Variants in FILIP1L observed in about 807,000 individuals in gnomAD.
The protein encoded by FILIP1L is filamin A-interacting protein 1-like.
In FILIP1L, 55 loss-of-function variants were observed where a neutral mutation model predicts 96.6. That is an observed-to-expected ratio of 0.57 (90% CI 0.46 to 0.71). The LOEUF (loss-of-function observed/expected upper bound fraction) is 0.71. Ranked by LOEUF, FILIP1L falls within the 30% of genes least tolerant of loss-of-function variation. FILIP1L has a pLI of 0.00. For missense variants in FILIP1L, 1,304 were observed against 1,321.2 expected (o/e 0.99, Z 0.20); for synonymous variants, 467 against 473.9 (o/e 0.99, Z 0.19).
intron 1 of FILIP1L, among the ~76,000 whole-genome samples, chr3:100,093,190 G>C (rs1008776072): frequency 6.6e-6 from 1 of 152,054 alleles, no homozygotes; most frequent in South Asian, 2.1e-4. Context: ...GGGACCTCTG[G>C]CCTAACATAT....
chr3:99,849,567 T>G lies in FILIP1L; in HGVS notation c.2109A>C (p.Lys703Asn). 1 of 1,613,526 alleles carries G rather than the reference T, an allele frequency of 6.2e-7. No homozygotes were observed. The highest frequency in any genetic ancestry group is 8.5e-7 in the Non-Finnish European group (1 of 1,179,936). The change falls in exon 5 of 6, where the codon AAA (lysine) becomes AAC (asparagine). Residue 703 changes from lysine (K) to asparagine (N), a missense_variant. Lys to Asn is a moderately conservative substitution (Grantham distance 94). Coordinates refer to ENST00000477258, the MANE Select transcript of FILIP1L (RefSeq NM_001387850.1). ...ACTTAGCTTCTTCTTCTTGAAGCCT[T>G]TTGAAAAGCCATTGTTCATGGCTGG... ...TETSHEQWLF[K>N]RLQEEEAKSG...
intron 1 of FILIP1L, among the ~76,000 whole-genome samples, chr3:99,966,049 G>A (rs922556939): frequency 1.6e-4 from 25 of 152,190 alleles, no homozygotes; most frequent in African/African-American, 5.3e-4. Context: ...TCCCTGCTGA[G>A]GTTAATAGGG....
intron 1 of FILIP1L, among the ~76,000 whole-genome samples, chr3:99,947,199 A>G (rs1708038073): frequency 6.6e-6 from 1 of 152,006 alleles, no homozygotes; most frequent in South Asian, 2.1e-4. Flanking sequence ...AAGCAGGCAC[A>G]AAGAATTTTT....
At chr3:99,980,714 C>T (rs896484331) in intron 1 of FILIP1L, among the ~76,000 whole-genome samples, 2 of 152,162 alleles carry the variant, frequency 1.3e-5, no homozygotes, top group Non-Finnish European at 2.9e-5. Context: ...AGAGCTTGCA[C>T]CCTGCCTAGC....
At chr3:99,987,603 C>T (rs1032571099) in intron 1 of FILIP1L, among the ~76,000 whole-genome samples, 1 of 150,390 alleles carries the variant, frequency 6.6e-6, no homozygotes, top group African/African-American at 2.4e-5. Context: ...GGAGTTTGAA[C>T]CCTCTGGCCT....
intron 1 of FILIP1L, among the ~76,000 whole-genome samples, chr3:100,091,158 A>T (rs996645295): frequency 6.6e-6 from 1 of 151,322 alleles, no homozygotes; most frequent in Non-Finnish European, 1.5e-5. Flanking sequence ...GGTGGCGGGC[A>T]CCTGTAGTCC....
At chr3:99,992,643 T>C (rs983842578) in intron 1 of FILIP1L, among the ~76,000 whole-genome samples, 1 of 152,124 alleles carries the variant, frequency 6.6e-6, no homozygotes, top group African/African-American at 2.4e-5. Context: ...TTATTTCTTT[T>C]GGTATACACA....
chr3:99,866,134 A>G (rs1043249451), intron 4 of FILIP1L, among the ~76,000 whole-genome samples: 22 of 150,066 alleles, frequency 1.5e-4, no homozygotes, highest in African/African-American at 5.4e-4. Flanking sequence ...TCCAGAACTT[A>G]TTCTGAGCAA....
At chr3:99,895,269 A>G (rs1017032249) in intron 4 of FILIP1L, among the ~76,000 whole-genome samples, 1 of 152,070 alleles carries the variant, frequency 6.6e-6, no homozygotes, top group Non-Finnish European at 1.5e-5. Flanking sequence ...GCAGTCACCC[A>G]TGTTCACTGC....
chr3:99,872,955 CTGA>C (rs1705311205), intron 4 of FILIP1L, among the ~76,000 whole-genome samples: 1 of 151,174 alleles, frequency 6.6e-6, no homozygotes, highest in Admixed American at 6.6e-5. Flanking sequence ...TGTGCAAAGG[CTGA>C]TAAGTGTTGG....
intron 4 of FILIP1L, among the ~76,000 whole-genome samples, chr3:99,894,870 G>A (rs190342367): frequency 2.0e-4 from 31 of 152,272 alleles, no homozygotes; most frequent in African/African-American, 5.5e-4. Flanking sequence ...TCTTGCAAAC[G>A]TATAGAGTTC....
At chr3:99,933,281 G>C (rs752757333) in intron 1 of FILIP1L, among the ~76,000 whole-genome samples, 4 of 152,094 alleles carry the variant, frequency 2.6e-5, no homozygotes, top group African/African-American at 4.8e-5. Flanking sequence ...TTACAAATAC[G>C]GTATAGATGA....
intron 1 of FILIP1L, among the ~76,000 whole-genome samples, chr3:100,067,166 CGTT>C (rs2065680545): frequency 6.6e-6 from 1 of 150,866 alleles, no homozygotes; most frequent in African/African-American, 2.4e-5. Context: ...TTTTTGATCT[CGTT>C]TGTTTGTTTG....
chr3:99,991,682 C>T lies in FILIP1L; in HGVS notation c.-10-60652G>A, dbSNP rs143307151. 4.6e-3 allele frequency among the ~76,000 whole-genome samples: 704 copies of T among 152,056 alleles called. 2 individuals carry two copies. Among genetic ancestry groups the T allele is most frequent in the South Asian group, 6.9e-3 (33 of 4,816 alleles). On this transcript the variant is annotated intron_variant, in intron 1 of 5. Transcript: ENST00000477258. ...ATGTATATCCATTGTGTAGCTCCCA[C>T]TTATAGGTGAGAACATGCTGTATTT...
At chr3:99,843,403 G>A (rs1410830382) in intron 5 of FILIP1L, among the ~76,000 whole-genome samples, 1 of 152,118 alleles carries the variant, frequency 6.6e-6, no homozygotes, top group African/African-American at 2.4e-5. Context: ...AAAACTTGGA[G>A]AATAAACCTT....
At position 100,083,800 on chromosome 3, in the gene FILIP1L, TCTGGG is replaced by T. The variant is rs551782457; in HGVS notation, c.-11+30248_-11+30252del. 3.9e-3 allele frequency among the ~76,000 whole-genome samples: 593 copies of T among 152,234 alleles called. 1 individual carries two copies. The highest frequency in any genetic ancestry group is 7.1e-3 in the Non-Finnish European group (481 of 68,004). On this transcript the variant is annotated intron_variant, in intron 1 of 5. Transcript: ENST00000477258. ...ATGTTGCCCAGGCTGGTTTCAAACT[TCTGGG>T]CTCAAGCAGTCCTCCCACCTTGGCC...
chr3:99,864,827 G>A (rs1279974911), intron 4 of FILIP1L, among the ~76,000 whole-genome samples: 2 of 151,950 alleles, frequency 1.3e-5, no homozygotes, highest in East Asian at 3.9e-4. Context: ...AGTACCATCT[G>A]GCATACTATA....
chr3:99,834,483 A>G (rs1480693254), intron 5 of FILIP1L, among the ~76,000 whole-genome samples: 1 of 152,244 alleles, frequency 6.6e-6, no homozygotes, highest in Non-Finnish European at 1.5e-5. Context: ...ATTGAAATAA[A>G]GTTTTCAAAA....
Position 100,066,753 on chromosome 3 carries a change from G to A in FILIP1L, c.-11+47300C>T, listed in dbSNP as rs1472543862. 3.2e-5 allele frequency among the ~76,000 whole-genome samples: 3 copies of A among 94,616 alleles called. 1 individual carries two copies. The highest frequency in any genetic ancestry group is 7.4e-5 in the Non-Finnish European group (3 of 40,600). 62.1% of individuals were successfully genotyped at this position (94,616 alleles called of 152,430 possible). On this transcript the variant is annotated intron_variant, in intron 1 of 5. Transcript: ENST00000477258. Reference sequence around the variant, plus strand: ...TCACCATTTTAGCCGGGATGGTCTCGATCTCCTGACCTCGTGATCCGCCCG... The same window carrying A: ...TCACCATTTTAGCCGGGATGGTCTCAATCTCCTGACCTCGTGATCCGCCCG...
Sources: allele counts gnomAD v4.1 joint callset (sites outside exome capture counted in the v4.1 genomes callset), GRCh38; gene constraint gnomAD v4.1.1; transcripts MANE v1.5; gene names NCBI Gene and HGNC (gene_info 2026-07-23, HGNC 2026-07-21).